The following EBF3 variants were observed in gnomAD, a reference collection of about 807,000 sequenced individuals.
EBF3 encodes the protein transcription factor COE3.
In EBF3, 18 loss-of-function variants were observed where a neutral mutation model predicts 77.1. The observed-to-expected ratio is 0.23, with a 90% confidence interval of 0.16 to 0.35. The LOEUF is 0.35. EBF3 is among the 10% of genes least tolerant of loss of function. The pLI is 1.00. For synonymous variants in EBF3, 350 were observed against 343.5 expected, an observed-to-expected ratio of 1.02 and a Z score of -0.21; for missense variants, 558 against 860.0, an observed-to-expected ratio of 0.65 and a Z score of 4.39.
At chr10:129,850,852 C>T (rs1850825383) in intron 10 of EBF3, among the ~76,000 whole-genome samples, 1 of 152,182 alleles carries the variant, frequency 6.6e-6, no homozygotes, top group Non-Finnish European at 1.5e-5. Flanking sequence ...CCCCCAAACC[C>T]TACAGAACCC....
In EBF3 at chr10:129,837,370, T is replaced by TC. The variant is rs753463141; in HGVS notation, c.*572dup. On this transcript the variant is annotated 3_prime_UTR_variant, in exon 17 of 17. Coordinates refer to ENST00000440978, the MANE Select transcript of EBF3 (RefSeq NM_001375380.1). ...AAGTTAAGCAGTGATAAACCCTCCC[T>TC]CCCTCCCTGCCACCCCAGTTTCTCC... 32 of 145,190 alleles carry TC rather than the reference T, an allele frequency of 2.2e-4. No individual in the cohort carries two copies. The highest frequency in any genetic ancestry group is 7.3e-4 in the South Asian group (3 of 4,120). The allele number at this position is 145,190 out of a possible 1,614,324, so 9.0% of individuals were successfully genotyped here.
rs1851783700 is a variant in EBF3, at chr10:129,863,515, C to T, written c.1039+3626G>A. Among the ~76,000 whole-genome samples the T allele has an allele frequency of 6.6e-6, 1 of 152,220 alleles. No homozygotes were observed. The highest frequency in any genetic ancestry group is 2.4e-5 in the African/African-American group (1 of 41,450). On this transcript the variant is annotated intron_variant, in intron 10 of 16. Transcript: ENST00000440978. The surrounding 1 kb of genome is among the most constrained non-coding windows in gnomAD (Gnocchi z 4.0). ...GCCCCTCCCAGCCTCTGGCGGGCGGCCCCTCCTCTGAGCACAGGTTCATTA... is the reference window on the plus strand; with the variant it reads ...GCCCCTCCCAGCCTCTGGCGGGCGGTCCCTCCTCTGAGCACAGGTTCATTA...
intron 6 of EBF3, among the ~76,000 whole-genome samples, chr10:129,927,538 G>C (rs1856755336): frequency 6.6e-6 from 1 of 152,160 alleles, no homozygotes; most frequent in Non-Finnish European, 1.5e-5. Context: ...GCAGGTGGCT[G>C]CTTAGCCTGC....
intron 6 of EBF3, among the ~76,000 whole-genome samples, chr10:129,903,818 A>G (rs1280471220): frequency 1.3e-5 from 2 of 152,236 alleles, no homozygotes; most frequent in African/African-American, 4.8e-5. Flanking sequence ...AAGTCATCAT[A>G]GGAATCACAG....
At chr10:129,856,919 T>C (rs1851291186) in intron 10 of EBF3, among the ~76,000 whole-genome samples, 1 of 152,210 alleles carries the variant, frequency 6.6e-6, no homozygotes, top group Non-Finnish European at 1.5e-5. Flanking sequence ...CCATCTGTAC[T>C]AAGGAAATAT....
At chr10:129,930,978 T>A (rs1242708434) in intron 6 of EBF3, among the ~76,000 whole-genome samples, 2 of 151,540 alleles carry the variant, frequency 1.3e-5, no homozygotes, top group African/African-American at 2.4e-5. Context: ...CTCATATATC[T>A]ATATCTCTAC....
At chr10:129,925,090 G>A (rs956048418) in intron 6 of EBF3, among the ~76,000 whole-genome samples, 8 of 10,302 alleles carry the variant, frequency 7.8e-4, no homozygotes, top group Non-Finnish European at 1.4e-3. Context: ...GCACGCGTGT[G>A]TGTGTGTGTG....
intron 6 of EBF3, among the ~76,000 whole-genome samples, chr10:129,883,935 G>A (rs1298835675): frequency 2.6e-5 from 4 of 152,190 alleles, no homozygotes; most frequent in Admixed American, 6.5e-5. Context: ...TCACTTCAGC[G>A]AACAAAAAAC....
chr10:129,928,568 C>A (rs1333027065), intron 6 of EBF3, among the ~76,000 whole-genome samples: 1 of 152,194 alleles, frequency 6.6e-6, no homozygotes, highest in African/African-American at 2.4e-5. Flanking sequence ...ACAATGCAGT[C>A]TTCATTCATA....
chr10:129,843,439 C>T (rs1201047426), intron 11 of EBF3: 3 of 476,476 alleles, frequency 6.3e-6, no homozygotes, highest in East Asian at 3.2e-5. Flanking sequence ...CTCCTCCATC[C>T]GGTTGGGCTC....
intron 6 of EBF3, among the ~76,000 whole-genome samples, chr10:129,923,125 T>C (rs1372989102): frequency 6.6e-6 from 1 of 152,310 alleles, no homozygotes; most frequent in East Asian, 1.9e-4. Flanking sequence ...GCAACAATCA[T>C]GTGTTACTGT....
chr10:129,947,218 C>G lies in EBF3; in HGVS notation c.554+10040G>C, dbSNP rs569902468. On this transcript the variant is annotated intron_variant, in intron 6 of 16. Transcript: ENST00000440978. The surrounding 1 kb of genome is among the most constrained non-coding windows in gnomAD (Gnocchi z 4.5). ...GGGCCGCCGGGGGACCACCCCATCC[C>G]GGCACACTGATCTGATTTACAAACC... is the stretch of plus-strand genomic sequence containing the variant. Among the ~76,000 whole-genome samples the G allele has an allele frequency of 1.3e-5, 2 of 152,230 alleles. No homozygotes were observed. The highest frequency in any genetic ancestry group is 4.8e-5 in the African/African-American group (2 of 41,460).
intron 6 of EBF3, among the ~76,000 whole-genome samples, chr10:129,888,149 G>T (rs550347435): frequency 6.6e-6 from 1 of 152,200 alleles, no homozygotes. Context: ...GAGTTGCAGC[G>T]AGCATGCGTC....
At chr10:129,919,590 C>T (rs139772208) in intron 6 of EBF3, among the ~76,000 whole-genome samples, 7 of 152,280 alleles carry the variant, frequency 4.6e-5, no homozygotes, top group South Asian at 2.1e-4. Context: ...CTGCCCCAGG[C>T]GTTGCCCTTG....
At chr10:129,869,579 G>A (rs925372292) in intron 8 of EBF3, among the ~76,000 whole-genome samples, 2 of 152,158 alleles carry the variant, frequency 1.3e-5, no homozygotes, top group Non-Finnish European at 2.9e-5. Context: ...CTTCATAAGC[G>A]GGAGTTTTCC....
intron 6 of EBF3, among the ~76,000 whole-genome samples, chr10:129,917,305 G>A (rs1855945359): frequency 6.6e-6 from 1 of 152,164 alleles, no homozygotes; most frequent in Admixed American, 6.5e-5. Flanking sequence ...GGACATCGCA[G>A]TTGCAGTGAG....
chr10:129,941,660 G>A (rs1346304918), intron 6 of EBF3, among the ~76,000 whole-genome samples: 11 of 152,352 alleles, frequency 7.2e-5, no homozygotes. Flanking sequence ...AGATGGCCAG[G>A]GCAGTGAGCA....
chr10:129,946,285 A>G (rs1858220620), intron 6 of EBF3, among the ~76,000 whole-genome samples: 1 of 152,220 alleles, frequency 6.6e-6, no homozygotes, highest in Admixed American at 6.5e-5. Context: ...AACAATGTAA[A>G]TTAGTTACTG....
At chr10:129,849,393 T>G (rs929137918) in intron 10 of EBF3, among the ~76,000 whole-genome samples, 1 of 152,238 alleles carries the variant, frequency 6.6e-6, no homozygotes, top group Non-Finnish European at 1.5e-5. Flanking sequence ...TTTCGGAGAC[T>G]AATAAGACCT....
Sources: allele counts gnomAD v4.1 joint callset (sites outside exome capture counted in the v4.1 genomes callset), GRCh38; gene constraint gnomAD v4.1.1; non-coding constraint Gnocchi (gnomAD v3.1); transcripts MANE v1.5; gene names NCBI Gene and HGNC (gene_info 2026-07-23, HGNC 2026-07-21).